Variants in CDH13 observed in about 807,000 individuals in gnomAD.
CDH13 encodes the protein cadherin-13.
In CDH13, 24 loss-of-function variants were observed where a neutral mutation model predicts 63.8. That is an observed-to-expected ratio of 0.38 (90% CI 0.27 to 0.53). The LOEUF is 0.53. CDH13 is among the 20% of genes least tolerant of loss of function. The pLI is 0.85. For synonymous variants in CDH13, 503 were observed against 355.3 expected (o/e 1.42, Z -4.67); for missense variants, 1,049 against 903.1 (o/e 1.16, Z -2.07).
At chr16:82,984,985 C>T (rs536623367) in intron 2 of CDH13, among the ~76,000 whole-genome samples, 3 of 152,144 alleles carry the variant, frequency 2.0e-5, no homozygotes, top group Non-Finnish European at 2.9e-5. Context: ...TGTCTTCATG[C>T]CCTCTCCTTT....
intron 3 of CDH13, among the ~76,000 whole-genome samples, chr16:83,081,378 A>G (rs1452115123): frequency 6.6e-6 from 1 of 152,180 alleles, no homozygotes; most frequent in African/African-American, 2.4e-5. Flanking sequence ...GATCACAGCT[A>G]TGCTAATAGG....
At chr16:82,994,664 A>G (rs1441450541) in intron 2 of CDH13, among the ~76,000 whole-genome samples, 2 of 152,202 alleles carry the variant, frequency 1.3e-5, no homozygotes, top group Admixed American at 1.3e-4. Context: ...AGGAAGAAAA[A>G]CGTATTAGTC....
intron 2 of CDH13, among the ~76,000 whole-genome samples, chr16:82,907,240 C>A (rs1293729131): frequency 6.6e-6 from 1 of 152,040 alleles, no homozygotes; most frequent in Non-Finnish European, 1.5e-5. Context: ...GAACGCGAAC[C>A]AAAGCTTAGG....
chr16:82,962,873 A>C (rs1395438145), intron 2 of CDH13, among the ~76,000 whole-genome samples: 1 of 152,210 alleles, frequency 6.6e-6, no homozygotes, highest in Non-Finnish European at 1.5e-5. Flanking sequence ...AATGGTCACT[A>C]ATGACCTAGA....
Position 83,463,850 on chromosome 16 carries a change from C to T in CDH13, c.782-22627C>T, listed in dbSNP as rs148273625. 4.8e-3 allele frequency among the ~76,000 whole-genome samples: 737 copies of T among 152,220 alleles called. 10 individuals carry two copies. Among genetic ancestry groups the T allele is most frequent in the African/African-American group, 0.017 (696 of 41,542 alleles). On this transcript the variant is annotated intron_variant, in intron 6 of 13. Coordinates refer to ENST00000567109, the MANE Select transcript of CDH13 (RefSeq NM_001257.5). ...GCTTGGAGCACTTCGGATTCTGTTT[C>T]ATAGGCCAGGTAAGTCACAGGGCCA...
At position 83,140,116 on chromosome 16, in the gene CDH13, G is replaced by A. The variant is rs114010554; in HGVS notation, c.483+14615G>A. Reference sequence around the variant, plus strand: ...TACATTCATAAAGACACAGCATCAGGCTGTACCACCAGAGGTTTAGATCCC... The same window carrying A: ...TACATTCATAAAGACACAGCATCAGACTGTACCACCAGAGGTTTAGATCCC... On this transcript the variant is annotated intron_variant, in intron 4 of 13. Coordinates refer to ENST00000567109, the MANE Select transcript of CDH13 (RefSeq NM_001257.5). Among the ~76,000 whole-genome samples, 291 of 152,258 alleles carry A rather than the reference G, an allele frequency of 1.9e-3. 2 individuals carry two copies. The highest frequency in any genetic ancestry group is 6.5e-3 in the African/African-American group (271 of 41,528).
chr16:83,350,144 T>C (rs1015078058), intron 6 of CDH13, among the ~76,000 whole-genome samples: 1 of 152,142 alleles, frequency 6.6e-6, no homozygotes, highest in Non-Finnish European at 1.5e-5. Context: ...CTGGGATCCA[T>C]CAGCTCCAAT....
At chr16:83,517,687 T>C (rs774457173) in intron 7 of CDH13, among the ~76,000 whole-genome samples, 56 of 152,286 alleles carry the variant, frequency 3.7e-4, no homozygotes, top group Non-Finnish European at 3.2e-4. Flanking sequence ...TGTGAACTGG[T>C]TGACAAGCTT....
chr16:83,138,514 C>T (rs1016437880), intron 4 of CDH13, among the ~76,000 whole-genome samples: 7 of 152,154 alleles, frequency 4.6e-5, no homozygotes, highest in South Asian at 2.1e-4. Context: ...TATCTACGGG[C>T]GAGAGGGACG....
intron 1 of CDH13, among the ~76,000 whole-genome samples, chr16:82,659,182 G>C (rs941352573): frequency 6.6e-6 from 1 of 152,216 alleles, no homozygotes; most frequent in Non-Finnish European, 1.5e-5. Flanking sequence ...ACCTGAGTTA[G>C]AATCCGGATG....
intron 2 of CDH13, among the ~76,000 whole-genome samples, chr16:83,028,014 G>A (rs1467729667): frequency 2.0e-5 from 3 of 152,136 alleles, no homozygotes; most frequent in Non-Finnish European, 2.9e-5. Flanking sequence ...GAAAGGGTGG[G>A]AAGAAGAAAC....
At chr16:83,739,265 A>G (rs921180190) in intron 10 of CDH13, among the ~76,000 whole-genome samples, 2 of 152,014 alleles carry the variant, frequency 1.3e-5, no homozygotes, top group Non-Finnish European at 1.5e-5. Context: ...CCCCCAAAAA[A>G]AACCCTGAAT....
chr16:82,888,590 G>T (rs747335773), intron 2 of CDH13, among the ~76,000 whole-genome samples: 1 of 152,198 alleles, frequency 6.6e-6, no homozygotes, highest in African/African-American at 2.4e-5. Flanking sequence ...AGCCATTAAA[G>T]CAGGGTTCAG....
chr16:82,967,059 G>C (rs1267928269), intron 2 of CDH13, among the ~76,000 whole-genome samples: 3 of 152,066 alleles, frequency 2.0e-5, no homozygotes, highest in Non-Finnish European at 4.4e-5. Flanking sequence ...CTTCATCTTT[G>C]TTCTGTCTTT....
At chr16:83,664,883 C>G (rs1598435088) in intron 8 of CDH13, among the ~76,000 whole-genome samples, 1 of 152,134 alleles carries the variant, frequency 6.6e-6, no homozygotes, top group East Asian at 1.9e-4. Context: ...ATGTACAGTA[C>G]CTACAAAGAA....
At chr16:83,175,991 G>C (rs1382827245) in intron 4 of CDH13, among the ~76,000 whole-genome samples, 1 of 151,270 alleles carries the variant, frequency 6.6e-6, no homozygotes. Flanking sequence ...ACAATGCCTG[G>C]CTAATTTTTG....
intron 11 of CDH13, among the ~76,000 whole-genome samples, chr16:83,760,374 G>A (rs1913865231): frequency 1.3e-5 from 2 of 152,274 alleles, no homozygotes; most frequent in East Asian, 1.9e-4. Flanking sequence ...CAACAGAAAT[G>A]TGTTCCCCAA....
At chr16:82,671,490 A>G (rs988395762) in intron 1 of CDH13, among the ~76,000 whole-genome samples, 2 of 152,228 alleles carry the variant, frequency 1.3e-5, no homozygotes, top group South Asian at 4.1e-4. Flanking sequence ...TTTCAAAATC[A>G]GTTGTTTAAG....
At chr16:83,371,052 G>A (rs1240303862) in intron 6 of CDH13, among the ~76,000 whole-genome samples, 2 of 152,136 alleles carry the variant, frequency 1.3e-5, no homozygotes, top group Non-Finnish European at 2.9e-5. Context: ...TGGCAAGGTT[G>A]CAGAAAAAAA....
Sources: allele counts gnomAD v4.1 joint callset (sites outside exome capture counted in the v4.1 genomes callset), GRCh38; gene constraint gnomAD v4.1.1; transcripts MANE v1.5; gene names NCBI Gene and HGNC (gene_info 2026-07-23, HGNC 2026-07-21).